The following NRG3 variants were observed in gnomAD, a reference collection of about 807,000 sequenced individuals.
The protein encoded by NRG3 is pro-neuregulin-3, membrane-bound isoform.
Under a neutral mutation model 66.9 loss-of-function variants are expected in NRG3, and 31 were observed. The observed-to-expected ratio is 0.46, with a 90% CI of 0.35 to 0.63. NRG3 has a LOEUF of 0.63. NRG3 is among the 20% of genes least tolerant of loss of function. The pLI, the probability that NRG3 is intolerant of heterozygous loss-of-function variation, is 0.00. For synonymous variants in NRG3, 393 were observed against 359.4 expected, an observed-to-expected ratio of 1.09 and a Z score of -1.06; for missense variants, 910 against 878.9, an observed-to-expected ratio of 1.04 and a Z score of -0.45.
chr10:82,119,357 C>T (rs1590183725), intron 1 of NRG3, among the ~76,000 whole-genome samples: 1 of 152,058 alleles, frequency 6.6e-6, no homozygotes, highest in African/African-American at 2.4e-5. Flanking sequence ...ATCTAGCTCC[C>T]TGAATATTTT....
chr10:82,615,327 A>G (rs1463538284), intron 2 of NRG3, among the ~76,000 whole-genome samples: 3 of 152,034 alleles, frequency 2.0e-5, no homozygotes, highest in Non-Finnish European at 4.4e-5. Flanking sequence ...CATATCTAGT[A>G]TTCCACTGAA....
chr10:82,045,897 T>C (rs1327165505), intron 1 of NRG3, among the ~76,000 whole-genome samples: 1 of 151,016 alleles, frequency 6.6e-6, no homozygotes, highest in Non-Finnish European at 1.5e-5. Flanking sequence ...GTGTTATTTC[T>C]AAGGGCTCTG....
intron 1 of NRG3, among the ~76,000 whole-genome samples, chr10:81,940,044 A>G (rs1372783149): frequency 6.6e-5 from 10 of 152,056 alleles, no homozygotes; most frequent in Admixed American, 5.2e-4. Context: ...TTGTTCAAGA[A>G]TGTATTATTT....
At chr10:82,193,752 T>G (rs2074293134) in intron 1 of NRG3, among the ~76,000 whole-genome samples, 1 of 152,270 alleles carries the variant, frequency 6.6e-6, no homozygotes, top group Non-Finnish European at 1.5e-5. Flanking sequence ...ACAGTCTTAT[T>G]AGTAAGAAAA....
chr10:82,016,336 GAGTCT>G (rs2061785744), intron 1 of NRG3, among the ~76,000 whole-genome samples: 1 of 152,022 alleles, frequency 6.6e-6, no homozygotes, highest in African/African-American at 2.4e-5. Context: ...GGATGAGTAA[GAGTCT>G]ACTTGAAAGA....
chr10:82,753,909 TG>T (rs2058973852), intron 3 of NRG3, among the ~76,000 whole-genome samples: 1 of 149,960 alleles, frequency 6.7e-6, no homozygotes, highest in African/African-American at 2.5e-5. Flanking sequence ...ATCATGCCTC[TG>T]CACTCCAGCC....
At chr10:81,888,054 G>A (rs1842750647) in intron 1 of NRG3, among the ~76,000 whole-genome samples, 2 of 152,098 alleles carry the variant, frequency 1.3e-5, no homozygotes, top group South Asian at 2.1e-4. Flanking sequence ...TGCAACCAGG[G>A]TGGTGGCCTG....
At chr10:82,733,673 A>G (rs1041217600) in intron 2 of NRG3, among the ~76,000 whole-genome samples, 3 of 152,232 alleles carry the variant, frequency 2.0e-5, no homozygotes, top group Non-Finnish European at 4.4e-5. Flanking sequence ...GCAAGAGAGT[A>G]GCACAGTTCT....
At chr10:82,837,693 T>C (rs1330763619) in intron 3 of NRG3, among the ~76,000 whole-genome samples, 1 of 152,146 alleles carries the variant, frequency 6.6e-6, no homozygotes, top group East Asian at 1.9e-4. Context: ...CTTTGCAGTG[T>C]GTCTTGTGTT....
intron 6 of NRG3, among the ~76,000 whole-genome samples, chr10:82,963,696 G>T (rs914844055): frequency 6.6e-6 from 1 of 152,020 alleles, no homozygotes; most frequent in African/African-American, 2.4e-5. Context: ...AAATAAAAAA[G>T]AATTTGCGTT....
chr10:81,893,650 TTTA>T (rs1481045863), intron 1 of NRG3, among the ~76,000 whole-genome samples: 2 of 152,176 alleles, frequency 1.3e-5, no homozygotes, highest in Non-Finnish European at 2.9e-5. Context: ...GCCATATAGT[TTTA>T]AAAGAGTATC....
intron 1 of NRG3, among the ~76,000 whole-genome samples, chr10:82,031,812 G>C (rs1473959219): frequency 6.6e-6 from 1 of 152,042 alleles, no homozygotes; most frequent in African/African-American, 2.4e-5. Context: ...CATCATTTAA[G>C]TATATGGCCT....
intron 2 of NRG3, among the ~76,000 whole-genome samples, chr10:82,636,239 G>C (rs3040197): frequency 3.4e-5 from 5 of 148,108 alleles, no homozygotes; most frequent in South Asian, 2.2e-4. Flanking sequence ...GTGTGTGTGT[G>C]TCTGTGTGTG....
chr10:81,963,348 T>A (rs2133297859), intron 1 of NRG3, among the ~76,000 whole-genome samples: 1 of 151,282 alleles, frequency 6.6e-6, no homozygotes, highest in Admixed American at 6.6e-5. Flanking sequence ...TTAGCCGGGA[T>A]GGTCTCGATC....
intron 5 of NRG3, among the ~76,000 whole-genome samples, chr10:82,954,675 C>T (rs1204249732): frequency 6.6e-6 from 1 of 151,794 alleles, no homozygotes; most frequent in Non-Finnish European, 1.5e-5. Flanking sequence ...TTTCCTTCTT[C>T]TAGTACCATT....
chr10:82,896,054 A>G (rs919628754), intron 4 of NRG3, among the ~76,000 whole-genome samples: 7 of 152,220 alleles, frequency 4.6e-5, no homozygotes, highest in African/African-American at 1.7e-4. Context: ...GTAGAAGGCT[A>G]CAAAGTGTTG....
intron 4 of NRG3, among the ~76,000 whole-genome samples, chr10:82,872,421 T>A (rs1486527655): frequency 3.9e-5 from 6 of 152,098 alleles, no homozygotes; most frequent in Non-Finnish European, 5.9e-5. Context: ...TCTTCCCAAA[T>A]CTTTATACTC....
chr10:82,626,368 T>G (rs1046903686), intron 2 of NRG3, among the ~76,000 whole-genome samples: 17 of 152,248 alleles, frequency 1.1e-4, no homozygotes, highest in African/African-American at 3.6e-4. Flanking sequence ...AATGGAGATC[T>G]CAGTACACCC....
chr10:82,592,750 G>C (rs2047054486), intron 2 of NRG3, among the ~76,000 whole-genome samples: 1 of 152,154 alleles, frequency 6.6e-6, no homozygotes, highest in South Asian at 2.1e-4. Context: ...GGAGGAAATA[G>C]ACGATTAAAT....
Sources: allele counts gnomAD v4.1 joint callset (sites outside exome capture counted in the v4.1 genomes callset), GRCh38; gene constraint gnomAD v4.1.1; transcripts MANE v1.5; gene names NCBI Gene and HGNC (gene_info 2026-07-23, HGNC 2026-07-21).